The following AATF variants were observed in gnomAD, a reference collection of about 807,000 sequenced individuals.
The protein encoded by AATF is protein AATF.
A neutral mutation model predicts 63.7 loss-of-function variants in AATF; 48 were observed. The ratio of observed to expected loss-of-function variants is 0.75; its 90% CI spans 0.60 to 0.96. The LOEUF is 0.96. Ranked by LOEUF, AATF falls within the 40% of genes least tolerant of loss-of-function variation. The probability of loss-of-function intolerance (pLI) is 0.00; values close to 1 mark genes in which losing one functional copy is unlikely to be tolerated. For synonymous variants in AATF, 258 were observed against 247.7 expected (o/e 1.04, Z -0.39); for missense variants, 639 against 685.7 (o/e 0.93, Z 0.76).
chr17:37,002,787 A>G (rs2071310922), intron 8 of AATF, among the ~76,000 whole-genome samples: 1 of 152,146 alleles, frequency 6.6e-6, no homozygotes, highest in African/African-American at 2.4e-5. Flanking sequence ...AAAGACCTAA[A>G]TAAATGGAAA....
chr17:36,977,197 T>G (rs2071085904), intron 4 of AATF, among the ~76,000 whole-genome samples: 2 of 152,216 alleles, frequency 1.3e-5, no homozygotes, highest in South Asian at 4.1e-4. Context: ...AAAACATTTG[T>G]AGCATACCTT....
chr17:36,971,604 C>A (rs2071039776), intron 4 of AATF, among the ~76,000 whole-genome samples: 1 of 152,178 alleles, frequency 6.6e-6, no homozygotes, highest in South Asian at 2.1e-4. Flanking sequence ...TGAAGACATA[C>A]ATTCACACAA....
chr17:37,022,098 A>G (rs898802351), intron 10 of AATF, among the ~76,000 whole-genome samples: 3 of 149,398 alleles, frequency 2.0e-5, no homozygotes, highest in Non-Finnish European at 3.0e-5. Context: ...CTATACTTTT[A>G]GACTTGGTAA....
intron 11 of AATF, among the ~76,000 whole-genome samples, chr17:37,043,580 G>A (rs1194000674): frequency 6.6e-6 from 1 of 152,180 alleles, no homozygotes; most frequent in Non-Finnish European, 1.5e-5. Context: ...AAAGAAGTAT[G>A]CCTGTGTGTA....
chr17:37,033,687 T>G (rs2071568394), intron 11 of AATF: 1 of 154,658 alleles, frequency 6.5e-6, no homozygotes, highest in African/African-American at 2.4e-5. Flanking sequence ...TTCATCTTTG[T>G]GACAGGATAA....
chr17:36,981,718 T>A (rs1567972501), intron 4 of AATF, among the ~76,000 whole-genome samples: 2 of 149,334 alleles, frequency 1.3e-5, no homozygotes, highest in Non-Finnish European at 3.0e-5. Flanking sequence ...TTTTTTTTTT[T>A]TGACAGTCAG....
chr17:36,960,783 AAGGACC>A (rs1265711161), intron 4 of AATF, among the ~76,000 whole-genome samples: 9 of 152,218 alleles, frequency 5.9e-5, no homozygotes, highest in African/African-American at 2.2e-4. Flanking sequence ...GTGTAGGCTT[AAGGACC>A]CTTATTGCTG....
At chr17:37,029,828 A>C (rs2071538791) in intron 10 of AATF, among the ~76,000 whole-genome samples, 1 of 151,642 alleles carries the variant, frequency 6.6e-6, no homozygotes, top group Non-Finnish European at 1.5e-5. Flanking sequence ...CAGCCTCCCA[A>C]AGTGCTGGGA....
chr17:36,960,258 C>T (rs565595699), intron 4 of AATF, among the ~76,000 whole-genome samples: 23 of 152,268 alleles, frequency 1.5e-4, no homozygotes, highest in Middle Eastern at 3.4e-3. Flanking sequence ...AAGATCCACC[C>T]GCCTCGGCCT....
chr17:37,006,653 A>T (rs536383745), intron 8 of AATF, among the ~76,000 whole-genome samples: 1 of 152,364 alleles, frequency 6.6e-6, no homozygotes, highest in Admixed American at 6.5e-5. Context: ...ATAATTAGAC[A>T]TTGGGAGACA....
At chr17:37,044,637 A>G (rs748438197) in intron 11 of AATF, among the ~76,000 whole-genome samples, 1 of 152,124 alleles carries the variant, frequency 6.6e-6, no homozygotes, top group African/African-American at 2.4e-5. Context: ...TGGCCTTCCT[A>G]TAAATTATTA....
At chr17:36,980,358 C>T (rs2071113044) in intron 4 of AATF, 1 of 152,182 alleles carries the variant, frequency 6.6e-6, no homozygotes, top group African/African-American at 2.4e-5. Flanking sequence ...TCTTAATCTC[C>T]TCTTAAGGGA....
chr17:36,970,095 GT>G (rs1295974897), intron 4 of AATF, among the ~76,000 whole-genome samples: 1 of 152,154 alleles, frequency 6.6e-6, no homozygotes. Context: ...TTGTATAGAT[GT>G]TTTTATATGG....
intron 4 of AATF, among the ~76,000 whole-genome samples, chr17:36,979,956 T>C (rs1030017358): frequency 1.3e-5 from 2 of 152,220 alleles, no homozygotes; most frequent in African/African-American, 4.8e-5. Flanking sequence ...TATAGGAGTC[T>C]GTGAATACTG....
At chr17:37,000,661 T>A (rs1288745685) in intron 8 of AATF, among the ~76,000 whole-genome samples, 2 of 152,110 alleles carry the variant, frequency 1.3e-5, no homozygotes, top group African/African-American at 2.4e-5. Flanking sequence ...ACCATGAGAT[T>A]GAATGAGATT....
intron 11 of AATF, among the ~76,000 whole-genome samples, chr17:37,042,157 TA>T (rs1396552286): frequency 6.6e-6 from 1 of 152,128 alleles, no homozygotes; most frequent in Non-Finnish European, 1.5e-5. Context: ...TAATGATTTT[TA>T]TTGGTTACAT....
intron 9 of AATF, among the ~76,000 whole-genome samples, chr17:37,019,409 T>G (rs887084640): frequency 3.3e-5 from 5 of 152,248 alleles, no homozygotes; most frequent in African/African-American, 1.2e-4. Flanking sequence ...AGCTCTCAGC[T>G]GTCAGAACAT....
chr17:37,056,254 A>G (rs2071796888), intron 11 of AATF: 1 of 226,816 alleles, frequency 4.4e-6, no homozygotes, highest in Non-Finnish European at 8.6e-6. Flanking sequence ...CCTACATCCC[A>G]TGTCTGATTG....
At chr17:36,957,168 A>C (rs1470429527) in intron 4 of AATF, among the ~76,000 whole-genome samples, 1 of 152,238 alleles carries the variant, frequency 6.6e-6, no homozygotes, top group Non-Finnish European at 1.5e-5. Flanking sequence ...AGTTAAAGTC[A>C]GACCGGCTTG....
Sources: allele counts gnomAD v4.1 joint callset (sites outside exome capture counted in the v4.1 genomes callset), GRCh38; gene constraint gnomAD v4.1.1; transcripts MANE v1.5; gene names NCBI Gene and HGNC (gene_info 2026-07-23, HGNC 2026-07-21).